Variants in LHFPL6 observed in about 807,000 individuals in gnomAD.
LHFPL6 encodes the protein LHFPL tetraspan subfamily member 6 protein.
In LHFPL6, 9 loss-of-function variants were observed where a neutral mutation model predicts 20.6. The observed-to-expected ratio is 0.44, with a 90% CI of 0.26 to 0.76. LHFPL6 has a LOEUF of 0.76. Ranked by LOEUF, LHFPL6 falls within the 30% of genes least tolerant of loss-of-function variation. The pLI, the probability that LHFPL6 is intolerant of heterozygous loss-of-function variation, is 0.20. For synonymous variants in LHFPL6, 105 were observed against 98.7 expected (o/e 1.06, Z -0.38); for missense variants, 218 against 253.5 (o/e 0.86, Z 0.95).
chr13:39,475,022 C>T lies in LHFPL6; in HGVS notation c.386-96496G>A, dbSNP rs574044872. 2.6e-5 allele frequency among the ~76,000 whole-genome samples: 4 copies of T among 152,288 alleles called. No homozygotes were observed. The South Asian group carries it at 8.3e-4, about 32-fold the overall frequency. On this transcript the variant is annotated intron_variant, in intron 2 of 3. Coordinates refer to ENST00000379589, the MANE Select transcript of LHFPL6 (RefSeq NM_005780.3). The stretch of plus-strand genomic sequence containing the variant: ...TGCTTTCCCAGAGAATTATAAGCAG[C>T]GTATCTCAGATGTGACCCAGAGCCT...
chr13:39,496,755 G>A (rs1869114423), intron 2 of LHFPL6, among the ~76,000 whole-genome samples: 2 of 152,204 alleles, frequency 1.3e-5, no homozygotes, highest in African/African-American at 4.8e-5. Context: ...TCTCATTTTA[G>A]AGAATGTTTG....
chr13:39,452,176 A>G (rs909605312), intron 2 of LHFPL6, among the ~76,000 whole-genome samples: 1 of 152,130 alleles, frequency 6.6e-6, no homozygotes, highest in Non-Finnish European at 1.5e-5. Flanking sequence ...CCCACTCCCC[A>G]CTGGGCTGCG....
chr13:39,400,915 T>G (rs1870974979), intron 2 of LHFPL6, among the ~76,000 whole-genome samples: 1 of 151,562 alleles, frequency 6.6e-6, no homozygotes, highest in Non-Finnish European at 1.5e-5. Context: ...TTTTCACTAC[T>G]AAGTACCAGT....
At chr13:39,352,864 TG>T in intron 3 of LHFPL6, among the ~76,000 whole-genome samples, 2 of 55,360 alleles carry the variant, frequency 3.6e-5, no homozygotes, top group Admixed American at 2.3e-4. Context: ...TATATATATG[TG>T]TATATATATA....
chr13:39,408,930 C>T (rs755991027), intron 2 of LHFPL6, among the ~76,000 whole-genome samples: 8 of 151,970 alleles, frequency 5.3e-5, no homozygotes, highest in Admixed American at 2.6e-4. Flanking sequence ...TTTTTCCAAC[C>T]CAAAGCCACC....
intron 2 of LHFPL6, among the ~76,000 whole-genome samples, chr13:39,469,318 G>A (rs1485824094): frequency 5.9e-5 from 9 of 152,092 alleles, no homozygotes; most frequent in Admixed American, 5.2e-4. Flanking sequence ...CTCTATCTCC[G>A]CCCTCTCCTC....
At chr13:39,449,718 C>A (rs1872389945) in intron 2 of LHFPL6, among the ~76,000 whole-genome samples, 1 of 151,926 alleles carries the variant, frequency 6.6e-6, no homozygotes, top group African/African-American at 2.4e-5. Context: ...ACCACTGGAG[C>A]CCACACTGAA....
At chr13:39,586,307 C>T (rs1872445532) in intron 2 of LHFPL6, among the ~76,000 whole-genome samples, 3 of 152,146 alleles carry the variant, frequency 2.0e-5, no homozygotes, top group Admixed American at 2.0e-4. Flanking sequence ...CCCTTTTAAG[C>T]CCCCAGGTGT....
intron 2 of LHFPL6, among the ~76,000 whole-genome samples, chr13:39,443,182 G>T (rs1214416319): frequency 6.6e-6 from 1 of 152,134 alleles, no homozygotes; most frequent in Admixed American, 6.5e-5. Context: ...TATTGCAGGA[G>T]TTGGTTCATG....
chr13:39,392,228 A>T (rs570655590), intron 2 of LHFPL6, among the ~76,000 whole-genome samples: 1 of 152,350 alleles, frequency 6.6e-6, no homozygotes, highest in East Asian at 1.9e-4. Flanking sequence ...ACAAGCGGTC[A>T]CAATGACTCA....
At chr13:39,469,933 C>T (rs1201286863) in intron 2 of LHFPL6, among the ~76,000 whole-genome samples, 1 of 152,166 alleles carries the variant, frequency 6.6e-6, no homozygotes, top group East Asian at 1.9e-4. Flanking sequence ...ACTAGAGACA[C>T]AGGCAAAGCA....
chr13:39,385,817 G>C (rs1171465167), intron 2 of LHFPL6, among the ~76,000 whole-genome samples: 2 of 152,164 alleles, frequency 1.3e-5, no homozygotes, highest in African/African-American at 2.4e-5. Context: ...CTCTCCACAG[G>C]TGGTAAGAAT....
chr13:39,399,244 G>A (rs866288218), intron 2 of LHFPL6, among the ~76,000 whole-genome samples: 3 of 152,238 alleles, frequency 2.0e-5, no homozygotes, highest in South Asian at 4.2e-4. Context: ...TATTTCTATA[G>A]TACTTACAGC....
chr13:39,345,449 G>T (rs1869368080), intron 3 of LHFPL6, among the ~76,000 whole-genome samples: 1 of 134,930 alleles, frequency 7.4e-6, no homozygotes, highest in Non-Finnish European at 1.5e-5. Flanking sequence ...GAAGGTGGAG[G>T]TTGCAGTGAG....
intron 2 of LHFPL6, among the ~76,000 whole-genome samples, chr13:39,537,159 C>G (rs886224170): frequency 1.4e-4 from 21 of 152,192 alleles, no homozygotes; most frequent in African/African-American, 5.1e-4. Context: ...TCTAGCGCTC[C>G]TCTTGCAAAG....
At chr13:39,383,159 G>A (rs1233644965) in intron 2 of LHFPL6, among the ~76,000 whole-genome samples, 1 of 152,158 alleles carries the variant, frequency 6.6e-6, no homozygotes, top group Non-Finnish European at 1.5e-5. Flanking sequence ...TAAGCTCAGT[G>A]AAATCCAGTG....
rs182639018 is a variant in LHFPL6, at chr13:39,527,374, G to A, written c.385+73458C>T. On this transcript the variant is annotated intron_variant, in intron 2 of 3. Transcript: ENST00000379589. ...AAGAAAATATCATGTGATAAGCAAG[G>A]TGACCTCTGTGGACCACTAGCACAG... 3.5e-3 allele frequency among the ~76,000 whole-genome samples: 532 copies of A among 152,214 alleles called. 3 individuals are homozygous for A. The highest frequency in any genetic ancestry group is 6.3e-3 in the Admixed American group (97 of 15,294).
intron 2 of LHFPL6, among the ~76,000 whole-genome samples, chr13:39,406,616 CA>C (rs60416976): frequency 0.13 from 20,254 of 152,086 alleles, 2,040 homozygotes; most frequent in East Asian, 0.33. Flanking sequence ...TTTGATAAAA[CA>C]TTAAAATTTC....
chr13:39,564,034 G>A (rs901468125), intron 2 of LHFPL6, among the ~76,000 whole-genome samples: 3 of 152,070 alleles, frequency 2.0e-5, no homozygotes. Flanking sequence ...CAGTAAACAT[G>A]GACTGCTATT....
Sources: allele counts gnomAD v4.1 joint callset (sites outside exome capture counted in the v4.1 genomes callset), GRCh38; gene constraint gnomAD v4.1.1; transcripts MANE v1.5; gene names NCBI Gene and HGNC (gene_info 2026-07-23, HGNC 2026-07-21).